The following TTN variants were observed in gnomAD, a reference collection of about 807,000 sequenced individuals.
The protein encoded by TTN is titin.
A neutral mutation model predicts 3,223.0 loss-of-function variants in TTN; 1,525 were observed. The ratio of observed to expected loss-of-function variants is 0.47; its 90% CI spans 0.45 to 0.49. The LOEUF is 0.49. Among genes scored for constraint, TTN ranks in the 20% least tolerant of loss-of-function variants. The pLI is 0.00. For missense variants in TTN, 40,786 were observed against 43,424.0 expected (o/e 0.94, Z 5.40); for synonymous variants, 14,094 against 15,161.0 (o/e 0.93, Z 5.17).
At position 178,534,051 on chromosome 2, in the gene TTN, T is replaced by C; in HGVS notation, c.102564A>G (p.Glu34188=). Residue 34188 remains glutamate (E), a synonymous_variant, in exon 358 of 363, where the codon GAA becomes GAG. Coordinates refer to ENST00000589042, the MANE Select transcript of TTN (RefSeq NM_001267550.2). ...TGACATAGAGGATGGCCACTCCATC[T>C]TCGTAGGTGATTTCGTATTTCTCAC... ...ENSEKYEITY[E]DGVAILYVKD... 1 of 1,613,996 alleles carries C rather than the reference T, an allele frequency of 6.2e-7. No homozygotes were observed. The highest frequency in any genetic ancestry group is 1.3e-5 in the African/African-American group (1 of 75,064).
rs1374902089 is a variant in TTN at position 178,591,758 on chromosome 2, T to A, written c.60061A>T (p.Thr20021Ser). 1 of 1,613,296 alleles carries A rather than the reference T, an allele frequency of 6.2e-7. No homozygotes were observed. Among genetic ancestry groups the A allele is most frequent in the Non-Finnish European group, 8.5e-7 (1 of 1,179,568 alleles). ...GTCTTAAATTTAATCCAGTCCTGGG[T>A]GCCTTCTTCTTGATATTCTACCAAA... The part of the protein sequence containing the change: ...GYLVEYQEEG[T>S]QDWIKFKTVT... Residue 20021 changes from threonine (T) to serine (S), a missense_variant, in exon 303 of 363, where the codon ACC (threonine) becomes TCC (serine). Coordinates refer to ENST00000589042, the MANE Select transcript of TTN (RefSeq NM_001267550.2).
In TTN at chr2:178,570,327, G is replaced by C; in HGVS notation, c.75805C>G (p.Leu25269Val). 2.5e-6 allele frequency: 4 copies of C among 1,613,288 alleles called. No homozygotes were observed. The highest frequency in any genetic ancestry group is 3.4e-6 in the Non-Finnish European group (4 of 1,179,602). ...VQTLSCKVTK[L>V]LEGNEYTFRI... ...AAAGTATATTCATTGCCTTCAAGAA[G>C]CTTAGTAACCTTGCAGCTGAGAGTC... The change falls in exon 326 of 363, where the codon CTT becomes GTT. Residue 25269 changes from leucine to valine, a missense_variant. By Grantham distance (32) the Leu-to-Val change is conservative. Transcript: ENST00000589042.
At chr2:178,601,230 G>T (rs1165949721) in intron 287 of TTN, 35 bp downstream of exon 287, 5 of 1,518,512 alleles carry the variant, frequency 3.3e-6, no homozygotes, top group Non-Finnish European at 4.4e-6. Flanking sequence ...CTTCAATTTT[G>T]AGAAGATATT....
At position 178,729,582 on chromosome 2, in the gene TTN, G is replaced by T. The variant is rs748345379; in HGVS notation, c.18590-16C>A. 5 of 1,611,892 alleles carry T rather than the reference G, an allele frequency of 3.1e-6. No individual in the cohort carries two copies. In the African/African-American group the frequency reaches 6.7e-5, roughly 22 times the overall value. ...GTGGGGGGTTCTAAAGATTCAAAAG[G>T]AAGACAGTAGCTTACTCAAGGGAAG... is the stretch of plus-strand genomic sequence containing the variant. On this transcript the variant is annotated splice_polypyrimidine_tract_variant and intron_variant, in intron 63 of 362. Coordinates refer to ENST00000589042, the MANE Select transcript of TTN (RefSeq NM_001267550.2).
chr2:178,624,251 G>T (rs904853569), intron 242 of TTN, among the ~76,000 whole-genome samples: 1 of 151,936 alleles, frequency 6.6e-6, no homozygotes, highest in Non-Finnish European at 1.5e-5. Flanking sequence ...AAAAGTGATT[G>T]CTCCATCATT....
chr2:178,538,565 A>G lies in TTN; in HGVS notation c.99264T>C (p.Ala33088=). 1.9e-6 allele frequency: 3 copies of G among 1,613,008 alleles called. No homozygotes were observed. Among genetic ancestry groups the G allele is most frequent in the Non-Finnish European group, 2.5e-6 (3 of 1,179,390 alleles). ...ETGLSRPRRT[A]MSIKTKLTSG... is the part of the protein sequence containing the mutation. ...ATGTGAGTTTAGTCTTTATAGACAT[A>G]GCAGTTCTGCGAGGTCTGCTCAGCC... Residue 33088 remains alanine, a synonymous_variant, in exon 354 of 363, where the codon GCT becomes GCC. Coordinates refer to ENST00000589042, the MANE Select transcript of TTN (RefSeq NM_001267550.2).
rs878993043 is a variant in TTN, at chr2:178,591,722, A to C, written c.60097T>G (p.Leu20033Val). 8 of 1,613,172 alleles carry C rather than the reference A, an allele frequency of 5.0e-6. No homozygotes were observed. Among genetic ancestry groups the C allele is most frequent in the Non-Finnish European group, 5.9e-6 (7 of 1,179,552 alleles). Residue 20033 changes from leucine (L) to valine (V), a missense_variant, in exon 303 of 363, where the codon TTA (leucine) becomes GTA (valine). Physicochemically the swap from Leu to Val is conservative, Grantham distance 32. Coordinates refer to ENST00000589042, the MANE Select transcript of TTN (RefSeq NM_001267550.2). The stretch of plus-strand genomic sequence containing the variant: ...TGTAGTCCAGTAACCACACACTCTA[A>C]GTTTGTCACAGTCTTAAATTTAATC... ...DWIKFKTVTN[L>V]ECVVTGLQQG... is the part of the protein sequence containing the mutation.
At chr2:178,694,039 C>T in intron 117 of TTN, 31 bp from the exon 118 acceptor site, 7 of 1,544,980 alleles carry the variant, frequency 4.5e-6, no homozygotes, top group Non-Finnish European at 6.2e-6. Flanking sequence ...ATTAGTATTC[C>T]TTTTTTTTAG....
At chr2:178,695,825 T>C in intron 114 of TTN, 40 bp downstream of exon 114, 3 of 1,358,486 alleles carry the variant, frequency 2.2e-6, no homozygotes, top group Non-Finnish European at 2.9e-6. Flanking sequence ...TGAGCAAAAA[T>C]GAAGAAAAGA....
chr2:178,606,373 AT>A (rs36000989), intron 278 of TTN, among the ~76,000 whole-genome samples: 2,152 of 147,580 alleles, frequency 0.015, 45 homozygotes, highest in African/African-American at 0.049. Flanking sequence ...TATAGGATGT[AT>A]TTTTTTTTTT....
At position 178,602,478 on chromosome 2, in the gene TTN, A is replaced by G. The variant is rs2053706527; in HGVS notation, c.54924T>C (p.Ile18308=). ...KDGGSPIKGY[I]VEMQEEGTTD... ...TAGTACCTTCTTCTTGCATTTCTAC[A>G]ATGTATCCTTTGATTGGGCTGCCAC... is the stretch of plus-strand genomic sequence containing the variant. Residue 18308 remains isoleucine, a synonymous_variant, in exon 283 of 363, where the codon ATT becomes ATC. Coordinates refer to ENST00000589042, the MANE Select transcript of TTN (RefSeq NM_001267550.2). The G allele has an allele frequency of 6.2e-7, 1 of 1,612,044 alleles. No homozygotes were observed. Among genetic ancestry groups the G allele is most frequent in the Non-Finnish European group, 8.5e-7 (1 of 1,178,988 alleles).
chr2:178,554,629 T>G lies in TTN; in HGVS notation c.88718A>C (p.Lys29573Thr), dbSNP rs1332479278. 3 of 1,613,744 alleles carry G rather than the reference T, an allele frequency of 1.9e-6. No individual in the cohort carries two copies. The highest frequency in any genetic ancestry group is 1.3e-5 in the African/African-American group (1 of 74,896). The change falls in exon 332 of 363, where the codon AAG becomes ACG. Residue 29573 changes from lysine (K) to threonine (T), a missense_variant. By Grantham distance (78) the Lys-to-Thr change is moderately conservative. Coordinates refer to ENST00000589042, the MANE Select transcript of TTN (RefSeq NM_001267550.2). ...GAKITHYIVEKRETSRVVWSM... is the reference protein window; with the variant it reads ...GAKITHYIVETRETSRVVWSM... ...CCACACAACGCGGCTTGTCTCACGC[T>G]TTTCCACAATGTAGTGAGTGATTTT...
chr2:178,773,934 G>T lies in TTN; in HGVS notation c.7234C>A (p.Leu2412Met). The change falls in exon 31 of 363, where the codon CTG becomes ATG. Residue 2412 changes from leucine (L) to methionine (M), a missense_variant. Leu to Met is a conservative substitution (Grantham distance 15, BLOSUM62 2). Transcript: ENST00000589042. ...HIVIDKQSHMLLIEDMTKEDA... is the reference protein window; with the variant it reads ...HIVIDKQSHMMLIEDMTKEDA... ...TCCTTAGTCATGTCTTCAATGAGCA[G>T]CATATGAGATTGTTTGTCTATCACA... The T allele has an allele frequency of 6.2e-7, 1 of 1,614,110 alleles. No individual in the cohort carries two copies. Among genetic ancestry groups the T allele is most frequent in the Non-Finnish European group, 8.5e-7 (1 of 1,179,984 alleles).
At chr2:178,637,554 T>C in intron 223 of TTN, 135 bp from the exon 224 acceptor site, 1 of 420,570 alleles carries the variant, frequency 2.4e-6, no homozygotes, top group Non-Finnish European at 4.0e-6. Flanking sequence ...TTTATATGAC[T>C]TCTATGGATA....
At position 178,773,336 on chromosome 2, in the gene TTN, G is replaced by T. The variant is rs765136135; in HGVS notation, c.7628C>A (p.Thr2543Asn). The T allele has an allele frequency of 3.1e-6, 5 of 1,613,940 alleles. No individual in the cohort carries two copies. Among genetic ancestry groups the T allele is most frequent in the Non-Finnish European group, 4.2e-6 (5 of 1,179,976 alleles). Residue 2543 changes from threonine (T) to asparagine (N), a missense_variant, in exon 33 of 363, where the codon ACC becomes AAC. Coordinates refer to ENST00000589042, the MANE Select transcript of TTN (RefSeq NM_001267550.2). ...CACCACATTTTGAGTTTCTGTACAG[G>T]TAAGGTCACGAAGACCTCTGATAAT... ...IKIIRGLRDLTCTETQNVVFE... is the reference protein window; with the variant it reads ...IKIIRGLRDLNCTETQNVVFE...
chr2:178,564,630 G>A lies in TTN; in HGVS notation c.81502C>T (p.Arg27168Cys), dbSNP rs377616334. 8.7e-6 allele frequency: 14 copies of A among 1,613,478 alleles called. No homozygotes were observed. The African/African-American group carries it at 1.5e-4, about 17-fold the overall frequency. ...PSKVSECFVA[R>C]DPCDPPGRPE... ...CGACCAGGTGGGTCACATGGATCAC[G>A]AGCAACAAAGCATTCTGACACTTTG... Residue 27168 changes from arginine to cysteine, a missense_variant, in exon 326 of 363, where the codon CGT (arginine) becomes TGT (cysteine). Physicochemically the swap from Arg to Cys is radical, Grantham distance 180. Coordinates refer to ENST00000589042, the MANE Select transcript of TTN (RefSeq NM_001267550.2).
Position 178,757,129 on chromosome 2 carries a change from T to C in TTN, c.10679-332A>G, listed in dbSNP as rs968118416. Among the ~76,000 whole-genome samples the C allele has an allele frequency of 5.9e-3, 7 of 1,188 alleles. No individual in the cohort carries two copies. In the East Asian group the frequency reaches 0.15, roughly 25 times the overall value. 0.8% of individuals were successfully genotyped at this position (1,188 alleles called of 152,430 possible). ...AGCTGACTGTATTTGGGTTAGCATTTGCTCTCCGTCCACTGTATGCTTTAA... is the reference window on the plus strand; with the variant it reads ...AGCTGACTGTATTTGGGTTAGCATTCGCTCTCCGTCCACTGTATGCTTTAA... On this transcript the variant is annotated intron_variant, in intron 45 of 362. Transcript: ENST00000589042.
At position 178,729,186 on chromosome 2, in the gene TTN, G is replaced by C. The variant is rs778901700; in HGVS notation, c.18869-17C>G. The C allele has an allele frequency of 1.3e-6, 2 of 1,556,518 alleles. No homozygotes were observed. Among genetic ancestry groups the C allele is most frequent in the Non-Finnish European group, 8.7e-7 (1 of 1,153,500 alleles). ...ATGGTGGTTCTGTGATTAAATAAGA[G>C]AGTGTGAAAAGAAGAAACATATTGT... On this transcript the variant is annotated splice_polypyrimidine_tract_variant and intron_variant, in intron 64 of 362. Coordinates refer to ENST00000589042, the MANE Select transcript of TTN (RefSeq NM_001267550.2).
At chr2:178,554,397 C>T (rs1027534709) in intron 332 of TTN, 56 bp downstream of exon 332, 167 of 1,558,528 alleles carry the variant, frequency 1.1e-4, no homozygotes, top group Admixed American at 1.5e-4. Context: ...CACAGGTTAG[C>T]GTAGTTTATT....
Sources: gnomAD v4.1 joint callset for allele counts (sites outside exome capture counted in the v4.1 genomes callset) on GRCh38, gnomAD v4.1.1 for gene constraint, MANE v1.5 for transcripts, NCBI Gene and HGNC (gene_info 2026-07-23, HGNC 2026-07-21) for gene names.